MACROD2: variants seen among roughly 807,000 people sequenced by gnomAD.
The protein encoded by MACROD2 is mono-ADP ribosylhydrolase 2, also known as ADP-ribose glycohydrolase MACROD2.
A neutral mutation model predicts 70.4 loss-of-function variants in MACROD2; 36 were observed. That is an observed-to-expected ratio of 0.51 (90% CI 0.39 to 0.68). MACROD2 has a LOEUF of 0.68. Ranked by LOEUF, MACROD2 falls within the 30% of genes least tolerant of loss-of-function variation. The probability of loss-of-function intolerance (pLI) is 0.00; values close to 1 mark genes in which losing one functional copy is unlikely to be tolerated. For synonymous variants in MACROD2, 172 were observed against 178.8 expected, an observed-to-expected ratio of 0.96 and a Z score of 0.30; for missense variants, 496 against 538.4, an observed-to-expected ratio of 0.92 and a Z score of 0.78.
At chr20:14,308,453 G>T (rs1346221601) in intron 3 of MACROD2, among the ~76,000 whole-genome samples, 1 of 152,058 alleles carries the variant, frequency 6.6e-6, no homozygotes, top group African/African-American at 2.4e-5. Context: ...TTCTGTGAGG[G>T]TGTTATTATT....
chr20:15,281,068 C>T (rs1262532359), intron 6 of MACROD2, among the ~76,000 whole-genome samples: 1 of 152,216 alleles, frequency 6.6e-6, no homozygotes, highest in African/African-American at 2.4e-5. Flanking sequence ...AAGAGAAACA[C>T]TAGACGCTTA....
At chr20:14,341,308 A>G (rs1464067106) in intron 3 of MACROD2, among the ~76,000 whole-genome samples, 6 of 152,238 alleles carry the variant, frequency 3.9e-5, no homozygotes, top group Non-Finnish European at 8.8e-5. Context: ...TTCCCTCAGC[A>G]TTCTTCATGA....
intron 8 of MACROD2, among the ~76,000 whole-genome samples, chr20:15,602,172 C>A (rs1196562710): frequency 2.0e-5 from 3 of 152,162 alleles, no homozygotes; most frequent in Non-Finnish European, 4.4e-5. Context: ...GAGTGTTAAG[C>A]TGGAGCTACC....
intron 2 of MACROD2, among the ~76,000 whole-genome samples, chr20:14,072,509 G>A (rs990161741): frequency 1.3e-5 from 2 of 152,052 alleles, no homozygotes; most frequent in African/African-American, 4.8e-5. Context: ...CCAGCTGTGT[G>A]TACTTGGTCA....
chr20:15,295,352 T>A (rs762436497), intron 6 of MACROD2, among the ~76,000 whole-genome samples: 3 of 152,174 alleles, frequency 2.0e-5, no homozygotes, highest in Non-Finnish European at 2.9e-5. Flanking sequence ...TAGTTCCTAA[T>A]AACAAAAATT....
chr20:15,840,004 A>G (rs775458644), intron 8 of MACROD2, among the ~76,000 whole-genome samples: 19 of 152,170 alleles, frequency 1.2e-4, no homozygotes, highest in Non-Finnish European at 2.4e-4. Context: ...TTTATAATTA[A>G]ATTTATTAGA....
chr20:15,043,410 C>T (rs6074828), intron 5 of MACROD2, among the ~76,000 whole-genome samples: 26,053 of 152,110 alleles, frequency 0.17, 2,867 homozygotes, highest in East Asian at 0.33. Context: ...CACACAGGCC[C>T]CTCCAGTGTC....
At chr20:15,439,644 G>C (rs2046470377) in intron 7 of MACROD2, among the ~76,000 whole-genome samples, 1 of 152,150 alleles carries the variant, frequency 6.6e-6, no homozygotes, top group Non-Finnish European at 1.5e-5. Context: ...TGATTAACCT[G>C]ATTTAAGGAG....
At chr20:15,582,994 G>T (rs1331993260) in intron 8 of MACROD2, among the ~76,000 whole-genome samples, 1 of 152,046 alleles carries the variant, frequency 6.6e-6, no homozygotes. Flanking sequence ...CATCAGCTGA[G>T]TCGGGATGTT....
intron 3 of MACROD2, among the ~76,000 whole-genome samples, chr20:14,307,880 A>G (rs1287847957): frequency 1.3e-5 from 2 of 152,100 alleles, no homozygotes; most frequent in African/African-American, 2.4e-5. Flanking sequence ...GTATGGGGTT[A>G]TTTGTCATGT....
intron 6 of MACROD2, among the ~76,000 whole-genome samples, chr20:15,329,676 G>A (rs980399327): frequency 1.3e-5 from 2 of 152,174 alleles, no homozygotes; most frequent in Admixed American, 1.3e-4. Flanking sequence ...TTTTTCAGAT[G>A]TGTGTTTAAA....
chr20:15,434,938 G>C (rs1275111556), intron 7 of MACROD2, among the ~76,000 whole-genome samples: 1 of 152,048 alleles, frequency 6.6e-6, no homozygotes, highest in Non-Finnish European at 1.5e-5. Flanking sequence ...GTCAAGTATT[G>C]TATGTTCTCA....
chr20:14,276,049 C>T (rs1239718987), intron 3 of MACROD2, among the ~76,000 whole-genome samples: 1 of 151,240 alleles, frequency 6.6e-6, no homozygotes, highest in Non-Finnish European at 1.5e-5. Context: ...CTAGTTCAAC[C>T]ATTGTGGAAG....
chr20:15,739,885 T>C (rs1000067058), intron 8 of MACROD2, among the ~76,000 whole-genome samples: 4 of 152,214 alleles, frequency 2.6e-5, no homozygotes, highest in African/African-American at 9.6e-5. Context: ...CAAGGACTGA[T>C]GTAAAGTTGG....
At chr20:15,166,004 C>T (rs2076381000) in intron 5 of MACROD2, among the ~76,000 whole-genome samples, 1 of 152,128 alleles carries the variant, frequency 6.6e-6, no homozygotes, top group Non-Finnish European at 1.5e-5. Context: ...CAAAAGGCTA[C>T]ATATTGCATG....
chr20:14,842,661 C>T (rs1242224016), intron 5 of MACROD2, among the ~76,000 whole-genome samples: 3 of 152,062 alleles, frequency 2.0e-5, no homozygotes, highest in African/African-American at 4.8e-5. Flanking sequence ...GAAAATGATA[C>T]CCTACAATTG....
intron 7 of MACROD2, among the ~76,000 whole-genome samples, chr20:15,443,427 C>T (rs1488163316): frequency 1.3e-5 from 2 of 152,040 alleles, no homozygotes; most frequent in South Asian, 2.1e-4. Flanking sequence ...CCATTTCAGC[C>T]GTGAACAACA....
At chr20:14,164,107 C>CTT (rs371907045) in intron 3 of MACROD2, among the ~76,000 whole-genome samples, 1 of 146,668 alleles carries the variant, frequency 6.8e-6, no homozygotes. Flanking sequence ...TAGGGGAGAA[C>CTT]TTTTTTTTTT....
chr20:15,558,524 G>C (rs1021494056), intron 8 of MACROD2, among the ~76,000 whole-genome samples: 2 of 152,238 alleles, frequency 1.3e-5, no homozygotes, highest in African/African-American at 4.8e-5. Flanking sequence ...AAGGTGCTGG[G>C]GTTCCCCCAA....
Sources: gnomAD v4.1 joint callset for allele counts (sites outside exome capture counted in the v4.1 genomes callset) on GRCh38, gnomAD v4.1.1 for gene constraint, MANE v1.5 for transcripts, NCBI Gene and HGNC (gene_info 2026-07-23, HGNC 2026-07-21) for gene names.